Variants in UBAC1 observed in about 807,000 individuals in gnomAD.
UBAC1 encodes the protein ubiquitin-associated domain-containing protein 1.
A neutral mutation model predicts 45.9 loss-of-function variants in UBAC1; 27 were observed. The ratio of observed to expected loss-of-function variants is 0.59; its 90% CI spans 0.43 to 0.81. The LOEUF (loss-of-function observed/expected upper bound fraction) is 0.81, where lower values mean the gene tolerates loss of function less well. UBAC1 is among the 30% of genes least tolerant of loss of function. The pLI, the probability that UBAC1 is intolerant of heterozygous loss-of-function variation, is 0.00. For missense variants in UBAC1, 529 were observed against 539.2 expected (o/e 0.98, Z 0.19); for synonymous variants, 227 against 215.5 (o/e 1.05, Z -0.47).
chr9:135,946,224 C>T (rs375182519), intron 5 of UBAC1, 45 bp downstream of exon 5: 116 of 1,384,290 alleles, frequency 8.4e-5, no homozygotes, highest in South Asian at 1.9e-4. Context: ...TCCCCAAGGC[C>T]GGCAGTGAAC....
intron 7 of UBAC1, among the ~76,000 whole-genome samples, chr9:135,940,361 C>G (rs1302639918): frequency 6.6e-6 from 1 of 151,894 alleles, no homozygotes; most frequent in Non-Finnish European, 1.5e-5. Flanking sequence ...AGGCGGATCA[C>G]CAGGTCAGGA....
chr9:135,948,151 G>A, intron 3 of UBAC1: 1 of 440,450 alleles, frequency 2.3e-6, no homozygotes, highest in African/African-American at 2.0e-5. Flanking sequence ...CAGAGCAGGA[G>A]CAAGGGTCAC....
At chr9:135,953,441 T>G (rs1839430304) in intron 3 of UBAC1, among the ~76,000 whole-genome samples, 1 of 152,108 alleles carries the variant, frequency 6.6e-6, no homozygotes, top group South Asian at 2.1e-4. Context: ...CTCAGCCTCC[T>G]GAGCTGCTGG....
chr9:135,937,160 C>T (rs1264867878), intron 9 of UBAC1, among the ~76,000 whole-genome samples: 1 of 152,158 alleles, frequency 6.6e-6, no homozygotes, highest in Non-Finnish European at 1.5e-5. Context: ...CATCCAGGAA[C>T]TCAGCTCCTG....
chr9:135,946,126 G>C, intron 5 of UBAC1, 129 bp from the exon 6 acceptor site: 1 of 1,043,496 alleles, frequency 9.6e-7, no homozygotes, highest in East Asian at 2.5e-5. Context: ...AACAGGAGTT[G>C]CCGGTGAGGC....
At chr9:135,951,666 C>T (rs960069496) in intron 3 of UBAC1, among the ~76,000 whole-genome samples, 3 of 149,712 alleles carry the variant, frequency 2.0e-5, no homozygotes, top group Non-Finnish European at 4.5e-5. Flanking sequence ...AAAGATTAGC[C>T]GGGCGTGGTG....
intron 6 of UBAC1, chr9:135,945,652 G>A (rs538905901): frequency 1.2e-4 from 71 of 570,468 alleles, no homozygotes; most frequent in Middle Eastern, 4.7e-4. Context: ...TGCTACGAAC[G>A]GGATTCACCT....
intron 4 of UBAC1, 186 bp downstream of exon 4, chr9:135,947,612 A>T: frequency 6.1e-6 from 3 of 489,674 alleles, no homozygotes; most frequent in Non-Finnish European, 1.1e-5. Flanking sequence ...TCCAACTCTT[A>T]CTTGGAAATA....
intron 1 of UBAC1, among the ~76,000 whole-genome samples, chr9:135,958,004 G>A (rs1237648820): frequency 6.8e-6 from 1 of 147,266 alleles, no homozygotes; most frequent in African/African-American, 2.5e-5. Context: ...TTTCATGAAT[G>A]TTTACGACAC....
At chr9:135,951,211 C>G (rs1839402851) in intron 3 of UBAC1, among the ~76,000 whole-genome samples, 1 of 152,188 alleles carries the variant, frequency 6.6e-6, no homozygotes, top group African/African-American at 2.4e-5. Flanking sequence ...TCCCAAAGTG[C>G]TGGGACTACA....
chr9:135,933,634 C>A (rs1358069393), intron 9 of UBAC1, 119 bp from the exon 10 acceptor site: 10 of 713,186 alleles, frequency 1.4e-5, no homozygotes, highest in Non-Finnish European at 2.5e-5. Flanking sequence ...ATACAAAGGC[C>A]ACACAGAGCT....
chr9:135,942,770 C>T (rs764384291), intron 7 of UBAC1, among the ~76,000 whole-genome samples: 7 of 152,088 alleles, frequency 4.6e-5, no homozygotes, highest in Non-Finnish European at 1.0e-4. Context: ...AGAGGGTGTG[C>T]GCAGGGGCTG....
chr9:135,957,022 C>T (rs1048847797), intron 1 of UBAC1, among the ~76,000 whole-genome samples: 1 of 152,214 alleles, frequency 6.6e-6, no homozygotes, highest in African/African-American at 2.4e-5. Context: ...TTTCCACCAC[C>T]CTTTGCTGCC....
At chr9:135,943,804 G>A (rs559625451) in intron 7 of UBAC1, among the ~76,000 whole-genome samples, 29 of 152,300 alleles carry the variant, frequency 1.9e-4, no homozygotes, top group African/African-American at 6.7e-4. Context: ...AAAGGAACGA[G>A]ATCACGTCCT....
chr9:135,957,405 C>T (rs1386008167), intron 1 of UBAC1, among the ~76,000 whole-genome samples: 6 of 152,216 alleles, frequency 3.9e-5, no homozygotes, highest in South Asian at 2.1e-4. Context: ...ATACAGACTA[C>T]GAAATGCAGT....
chr9:135,957,838 G>A (rs1010656816), intron 1 of UBAC1, among the ~76,000 whole-genome samples: 6 of 147,280 alleles, frequency 4.1e-5, no homozygotes, highest in Non-Finnish European at 8.9e-5. Flanking sequence ...GCAGTGGCGC[G>A]ATCTCCGCTT....
intron 3 of UBAC1, among the ~76,000 whole-genome samples, chr9:135,948,891 G>A (rs1317332451): frequency 1.3e-5 from 2 of 152,096 alleles, no homozygotes; most frequent in Non-Finnish European, 2.9e-5. Context: ...CCAACATGGT[G>A]AAACCCCATC....
At chr9:135,953,071 C>G (rs1188023728) in intron 3 of UBAC1, among the ~76,000 whole-genome samples, 1 of 152,206 alleles carries the variant, frequency 6.6e-6, no homozygotes, top group Non-Finnish European at 1.5e-5. Flanking sequence ...TGAAGGCGGA[C>G]AGCAGCGCGG....
At chr9:135,954,565 C>G (rs915260614) in intron 2 of UBAC1, among the ~76,000 whole-genome samples, 13 of 152,244 alleles carry the variant, frequency 8.5e-5, no homozygotes, top group Non-Finnish European at 1.9e-4. Flanking sequence ...GCACGAACCC[C>G]CAGGTGACCC....
Sources: gnomAD v4.1 joint callset for allele counts (sites outside exome capture counted in the v4.1 genomes callset) on GRCh38, gnomAD v4.1.1 for gene constraint, MANE v1.5 for transcripts, NCBI Gene and HGNC (gene_info 2026-07-23, HGNC 2026-07-21) for gene names.